Variants in MPPED2 observed in about 807,000 individuals in gnomAD.
The protein encoded by MPPED2 is metallophosphoesterase MPPED2.
In MPPED2, 5 loss-of-function variants were observed where a neutral mutation model predicts 33.0. That is an observed-to-expected ratio of 0.15 (90% CI 0.08 to 0.32). The LOEUF (loss-of-function observed/expected upper bound fraction) is 0.32, where lower values mean the gene tolerates loss of function less well. Among genes scored for constraint, MPPED2 ranks in the 10% least tolerant of loss-of-function variants. The pLI is 1.00. For missense variants in MPPED2, 275 were observed against 372.1 expected, an observed-to-expected ratio of 0.74 and a Z score of 2.15; for synonymous variants, 136 against 141.9, an observed-to-expected ratio of 0.96 and a Z score of 0.29.
At chr11:30,424,726 A>G (rs1948755102) in intron 4 of MPPED2, among the ~76,000 whole-genome samples, 1 of 152,070 alleles carries the variant, frequency 6.6e-6, no homozygotes, top group South Asian at 2.1e-4. Flanking sequence ...TAGGAAGGCC[A>G]TGTACCACCC....
At chr11:30,413,722 G>A (rs942697046) in intron 6 of MPPED2, among the ~76,000 whole-genome samples, 1 of 152,218 alleles carries the variant, frequency 6.6e-6, no homozygotes, top group Non-Finnish European at 1.5e-5. Flanking sequence ...CGCCACTTCT[G>A]TTACATATCT....
chr11:30,580,551 A>G, intron 1 of MPPED2, 57 bp from the exon 2 acceptor site: 3 of 1,394,990 alleles, frequency 2.2e-6, no homozygotes, highest in Non-Finnish European at 2.8e-6. Flanking sequence ...GGGTGTTCTA[A>G]GAGACATAAA....
rs1338199859 is a variant in MPPED2 at position 30,554,979 on chromosome 11, C to CTG, written c.129-18806_129-18805dup. On this transcript the variant is annotated intron_variant, in intron 2 of 6. Coordinates refer to ENST00000358117, the MANE Select transcript of MPPED2 (RefSeq NM_001584.3). ...TAGTCTCCCAGATTCCACAGCTGTGCTGGTTTAGACTATTCTGTCTCCTCC... is the reference window on the plus strand; with the variant it reads ...TAGTCTCCCAGATTCCACAGCTGTGCTGTGGTTTAGACTATTCTGTCTCCTCC... 1.1e-4 allele frequency among the ~76,000 whole-genome samples: 16 copies of CTG among 152,338 alleles called. No individual in the cohort carries two copies. In the East Asian group the frequency reaches 3.1e-3, roughly 29 times the overall value.
intron 3 of MPPED2, among the ~76,000 whole-genome samples, chr11:30,514,891 G>C (rs534161428): frequency 2.3e-4 from 35 of 152,282 alleles, no homozygotes; most frequent in Non-Finnish European, 4.3e-4. Context: ...CTGGAGGTTA[G>C]GAGTTCAAGA....
chr11:30,452,668 C>T (rs562520830), intron 4 of MPPED2, among the ~76,000 whole-genome samples: 3 of 152,240 alleles, frequency 2.0e-5, no homozygotes, highest in African/African-American at 7.2e-5. Flanking sequence ...CAGGATTATG[C>T]CTGATTCACT....
chr11:30,516,334 AC>A (rs2134342664), intron 3 of MPPED2, among the ~76,000 whole-genome samples: 1 of 152,254 alleles, frequency 6.6e-6, no homozygotes, highest in African/African-American at 2.4e-5. Context: ...TTATTTCTAT[AC>A]GTCTTCATTT....
intron 3 of MPPED2, among the ~76,000 whole-genome samples, chr11:30,509,868 A>C (rs563502715): frequency 6.6e-5 from 10 of 152,356 alleles, no homozygotes; most frequent in Non-Finnish European, 1.0e-4. Context: ...CCAATGACTT[A>C]GTTGCAATTC....
chr11:30,562,088 A>G (rs1956262785), intron 2 of MPPED2, among the ~76,000 whole-genome samples: 3 of 152,190 alleles, frequency 2.0e-5, no homozygotes, highest in Admixed American at 1.3e-4. Flanking sequence ...CTAGAAGCAT[A>G]TAGGTTTGCT....
chr11:30,411,510 G>A lies in MPPED2; in HGVS notation c.843C>T (p.Asn281=), dbSNP rs774297444. Residue 281 remains asparagine, a synonymous_variant, in exon 7 of 7, where the codon AAC becomes AAT. Coordinates refer to ENST00000358117, the MANE Select transcript of MPPED2 (RefSeq NM_001584.3). The part of the protein sequence containing the change: ...STCTVSFQPT[N]PPIIFDLPNP... ...TTGGAAGGTCAAATATAATTGGAGGGTTGGTCGGTTGAAAGCTGACTGTAC... is the reference window on the plus strand; with the variant it reads ...TTGGAAGGTCAAATATAATTGGAGGATTGGTCGGTTGAAAGCTGACTGTAC... 3 of 1,613,862 alleles carry A rather than the reference G, an allele frequency of 1.9e-6. No homozygotes were observed. The highest frequency in any genetic ancestry group is 1.3e-5 in the African/African-American group (1 of 74,908).
At position 30,580,465 on chromosome 11, in the gene MPPED2, G is replaced by A; in HGVS notation, c.-92C>T. Reference sequence around the variant, plus strand: ...CGTTTCAGCCAACCTCTGAATCCAAGGATCTACTCATCAATACCGCTGTGC... The same window carrying A: ...CGTTTCAGCCAACCTCTGAATCCAAAGATCTACTCATCAATACCGCTGTGC... On this transcript the variant is annotated 5_prime_UTR_variant, in exon 2 of 7. Coordinates refer to ENST00000358117, the MANE Select transcript of MPPED2 (RefSeq NM_001584.3). 1.3e-6 allele frequency: 2 copies of A among 1,543,202 alleles called. No individual in the cohort carries two copies. Among genetic ancestry groups the A allele is most frequent in the South Asian group, 1.3e-5 (1 of 78,920 alleles).
intron 4 of MPPED2, among the ~76,000 whole-genome samples, chr11:30,458,543 T>G (rs1001872915): frequency 6.6e-6 from 1 of 152,224 alleles, no homozygotes; most frequent in Admixed American, 6.5e-5. Flanking sequence ...TTAATTTAGT[T>G]TGCCTTCCAT....
At chr11:30,455,323 C>T (rs935465361) in intron 4 of MPPED2, among the ~76,000 whole-genome samples, 14 of 152,152 alleles carry the variant, frequency 9.2e-5, no homozygotes, top group African/African-American at 3.4e-4. Flanking sequence ...CAACCAACAT[C>T]GCCAAGGGGG....
chr11:30,484,677 T>C (rs1352066161), intron 4 of MPPED2, among the ~76,000 whole-genome samples: 1 of 152,202 alleles, frequency 6.6e-6, no homozygotes, highest in East Asian at 1.9e-4. Flanking sequence ...ACCTTCAAAA[T>C]GCCCATATGT....
intron 3 of MPPED2, among the ~76,000 whole-genome samples, chr11:30,519,799 A>G (rs997385070): frequency 6.6e-6 from 1 of 152,084 alleles, no homozygotes; most frequent in Non-Finnish European, 1.5e-5. Context: ...CATCACCACC[A>G]CTAACATTAT....
intron 4 of MPPED2, among the ~76,000 whole-genome samples, chr11:30,427,152 C>A (rs1339744841): frequency 2.6e-5 from 4 of 152,148 alleles, no homozygotes; most frequent in Admixed American, 6.5e-5. Flanking sequence ...CTTAGATTTC[C>A]CAACAAAATA....
In MPPED2 at chr11:30,420,486, C is replaced by T. The variant is rs75324289; in HGVS notation, c.537-2853G>A. 2.4e-4 allele frequency among the ~76,000 whole-genome samples: 36 copies of T among 152,358 alleles called. No homozygotes were observed. In the East Asian group the frequency reaches 6.4e-3, roughly 27 times the overall value. On this transcript the variant is annotated intron_variant, in intron 4 of 6. Transcript: ENST00000358117. ...GTGTTGTTAGAAGCTACTAAAGTTG[C>T]TGTGACTTGATAGAGCAGAAATAGA... is the stretch of plus-strand genomic sequence containing the variant.
intron 4 of MPPED2, among the ~76,000 whole-genome samples, chr11:30,494,619 T>C (rs1394609311): frequency 2.0e-5 from 3 of 151,084 alleles, no homozygotes; most frequent in African/African-American, 7.3e-5. Flanking sequence ...GTGCCTGTAA[T>C]CCCAGGTACT....
At chr11:30,399,450 TTTA>T (rs1947880937) in intron 6 of MPPED2, among the ~76,000 whole-genome samples, 2 of 152,244 alleles carry the variant, frequency 1.3e-5, no homozygotes, top group South Asian at 2.1e-4. Flanking sequence ...CTTCTAATCC[TTTA>T]AATTGGTATT....
intron 4 of MPPED2, among the ~76,000 whole-genome samples, chr11:30,427,784 G>T (rs1253913761): frequency 6.6e-6 from 1 of 152,170 alleles, no homozygotes; most frequent in Non-Finnish European, 1.5e-5. Context: ...TGAAGGGAGA[G>T]GGGAAAGATT....
Sources: allele counts gnomAD v4.1 joint callset (sites outside exome capture counted in the v4.1 genomes callset), GRCh38; gene constraint gnomAD v4.1.1; transcripts MANE v1.5; gene names NCBI Gene and HGNC (gene_info 2026-07-23, HGNC 2026-07-21).